TBC1D22B: variants seen among roughly 807,000 people sequenced by gnomAD.
TBC1D22B encodes TBC1 domain family member 22B.
Under a neutral mutation model 69.1 loss-of-function variants are expected in TBC1D22B, and 32 were observed. The observed-to-expected ratio is 0.46, with a 90% CI of 0.35 to 0.62. The LOEUF (loss-of-function observed/expected upper bound fraction) is 0.62, where lower values mean the gene tolerates loss of function less well. Ranked by LOEUF, TBC1D22B falls within the 20% of genes least tolerant of loss-of-function variation. TBC1D22B has a pLI of 0.00. For missense variants in TBC1D22B, 462 were observed against 630.9 expected (o/e 0.73, Z 2.87); for synonymous variants, 206 against 229.8 (o/e 0.90, Z 0.94).
chr6:37,273,777 A>G (rs1243384020), intron 2 of TBC1D22B, among the ~76,000 whole-genome samples: 1 of 152,198 alleles, frequency 6.6e-6, no homozygotes, highest in African/African-American at 2.4e-5. Flanking sequence ...ACCATTTTAC[A>G]ATTTCAGATT....
At chr6:37,304,690 G>A (rs1489728393) in intron 8 of TBC1D22B, among the ~76,000 whole-genome samples, 3 of 152,154 alleles carry the variant, frequency 2.0e-5, no homozygotes, top group Admixed American at 2.0e-4. Flanking sequence ...CTATTTGGAT[G>A]GGGGCATTTT....
At chr6:37,306,583 G>A (rs1767725502) in intron 8 of TBC1D22B, among the ~76,000 whole-genome samples, 1 of 152,132 alleles carries the variant, frequency 6.6e-6, no homozygotes, top group South Asian at 2.1e-4. Flanking sequence ...GGATCCTATA[G>A]CCAATGTCAG....
intron 1 of TBC1D22B, among the ~76,000 whole-genome samples, chr6:37,259,262 C>T (rs1444246641): frequency 6.6e-6 from 1 of 152,144 alleles, no homozygotes; most frequent in Non-Finnish European, 1.5e-5. Flanking sequence ...GCAAAGATAA[C>T]TTCAGATTAA....
At chr6:37,310,203 A>G (rs1222234918) in intron 8 of TBC1D22B, among the ~76,000 whole-genome samples, 6 of 148,234 alleles carry the variant, frequency 4.0e-5, no homozygotes, top group Non-Finnish European at 8.9e-5. Context: ...CATATATAAG[A>G]AAACAAATAT....
At chr6:37,277,214 A>G (rs541379611) in intron 2 of TBC1D22B, among the ~76,000 whole-genome samples, 60 of 152,340 alleles carry the variant, frequency 3.9e-4, no homozygotes, top group Admixed American at 3.9e-3. Context: ...GTATTTATGC[A>G]ATCTTAATGT....
At chr6:37,277,083 G>C (rs538808786) in intron 2 of TBC1D22B, among the ~76,000 whole-genome samples, 1 of 152,062 alleles carries the variant, frequency 6.6e-6, no homozygotes, top group African/African-American at 2.4e-5. Context: ...GTGTTCATCC[G>C]GTCCTGGTGT....
rs1767266418 is a variant in TBC1D22B at position 37,293,704 on chromosome 6, A to G, written c.982+2347A>G. Among the ~76,000 whole-genome samples, 4 of 152,244 alleles carry G rather than the reference A, an allele frequency of 2.6e-5. 1 individual carries two copies. In the South Asian group the frequency reaches 6.2e-4, roughly 24 times the overall value. On this transcript the variant is annotated intron_variant, in intron 8 of 12. Transcript: ENST00000373491. The stretch of plus-strand genomic sequence containing the variant: ...TATAAATGATTAAGCTTAGTGAAGA[A>G]GGTAGGTCAAAAGCTGAGACAGACT...
intron 1 of TBC1D22B, among the ~76,000 whole-genome samples, chr6:37,267,407 A>AAT (rs1389396795): frequency 3.6e-5 from 5 of 139,542 alleles, no homozygotes; most frequent in South Asian, 2.1e-4. Context: ...ACACATATAT[A>AAT]ATATATATAT....
In TBC1D22B at chr6:37,285,364, G is replaced by T. The variant is rs1392672411; in HGVS notation, c.801+900G>T. 4.4e-5 allele frequency among the ~76,000 whole-genome samples: 5 copies of T among 112,818 alleles called. No individual in the cohort carries two copies. In the Admixed American group the frequency reaches 5.4e-4, roughly 12 times the overall value. The allele number at this position is 112,818 out of a possible 152,430, so 74.0% of individuals were successfully genotyped here. On this transcript the variant is annotated intron_variant, in intron 6 of 12. Coordinates refer to ENST00000373491, the MANE Select transcript of TBC1D22B (RefSeq NM_017772.4). ...TTTTGAGATGGAGTCTCACTCTGTC[G>T]TCCAGGCTGGAGTGCAGTGGCGTGA...
chr6:37,289,915 A>G (rs989875397), intron 7 of TBC1D22B, among the ~76,000 whole-genome samples: 2 of 152,236 alleles, frequency 1.3e-5, no homozygotes, highest in Non-Finnish European at 2.9e-5. Context: ...GGGTAGGTCT[A>G]GTGAAGGCAG....
chr6:37,265,233 C>G (rs1236813426), intron 1 of TBC1D22B, among the ~76,000 whole-genome samples: 2 of 152,200 alleles, frequency 1.3e-5, no homozygotes, highest in East Asian at 3.8e-4. Context: ...AAAAAATAGT[C>G]TACTGTGATT....
chr6:37,313,603 C>G (rs1211223343), intron 9 of TBC1D22B, among the ~76,000 whole-genome samples: 2 of 152,226 alleles, frequency 1.3e-5, no homozygotes, highest in Admixed American at 6.5e-5. Flanking sequence ...CTCTGTACCC[C>G]AAGCACATGG....
At chr6:37,265,016 T>C (rs1257234280) in intron 1 of TBC1D22B, among the ~76,000 whole-genome samples, 1 of 152,254 alleles carries the variant, frequency 6.6e-6, no homozygotes, top group Non-Finnish European at 1.5e-5. Flanking sequence ...TGTGATCATC[T>C]CGGTTTCTCT....
At chr6:37,281,109 A>G (rs1766812728) in intron 3 of TBC1D22B, among the ~76,000 whole-genome samples, 1 of 152,260 alleles carries the variant, frequency 6.6e-6, no homozygotes. Context: ...TGAAACAGTC[A>G]TGTAAGCACA....
chr6:37,289,479 T>C (rs1336719440), intron 7 of TBC1D22B, among the ~76,000 whole-genome samples: 1 of 152,208 alleles, frequency 6.6e-6, no homozygotes, highest in African/African-American at 2.4e-5. Flanking sequence ...ACTTGTACCA[T>C]GTGAGTGTGT....
intron 12 of TBC1D22B, 52 bp from the exon 13 acceptor site, chr6:37,330,992 G>T (rs967412364): frequency 6.8e-6 from 11 of 1,606,368 alleles, no homozygotes; most frequent in East Asian, 6.7e-5. Context: ...GGGTTCACTT[G>T]TCTGATGGTC....
At chr6:37,274,398 A>G (rs1554183365) in intron 2 of TBC1D22B, among the ~76,000 whole-genome samples, 2 of 152,196 alleles carry the variant, frequency 1.3e-5, no homozygotes, top group African/African-American at 2.4e-5. Context: ...CTCTTTTTCA[A>G]CATATCCTTA....
intron 12 of TBC1D22B, among the ~76,000 whole-genome samples, chr6:37,324,899 A>G (rs1768350099): frequency 6.6e-6 from 1 of 152,242 alleles, no homozygotes. Flanking sequence ...ATGGAAGTTA[A>G]TATGTATCTC....
intron 8 of TBC1D22B, among the ~76,000 whole-genome samples, chr6:37,310,125 G>T: frequency 7.0e-6 from 1 of 143,450 alleles, no homozygotes. Context: ...TTTTAATATA[G>T]CTTTATATAT....
Sources: allele counts gnomAD v4.1 joint callset (sites outside exome capture counted in the v4.1 genomes callset), GRCh38; gene constraint gnomAD v4.1.1; transcripts MANE v1.5; gene names NCBI Gene and HGNC (gene_info 2026-07-23, HGNC 2026-07-21).